Variants in GPC6 observed in about 807,000 individuals in gnomAD.
GPC6 encodes glypican 6.
A neutral mutation model predicts 55.2 loss-of-function variants in GPC6; 14 were observed. The observed-to-expected ratio is 0.25, with a 90% CI of 0.17 to 0.40. The LOEUF is 0.40. Ranked by LOEUF, GPC6 falls within the 10% of genes least tolerant of loss-of-function variation. The probability of loss-of-function intolerance (pLI) is 1.00; values close to 1 mark genes in which losing one functional copy is unlikely to be tolerated. For synonymous variants in GPC6, 278 were observed against 259.6 expected, an observed-to-expected ratio of 1.07 and a Z score of -0.68; for missense variants, 641 against 708.5, an observed-to-expected ratio of 0.90 and a Z score of 1.08.
At chr13:93,983,957 C>T (rs1322443404) in intron 3 of GPC6, among the ~76,000 whole-genome samples, 2 of 151,598 alleles carry the variant, frequency 1.3e-5, no homozygotes, top group South Asian at 2.1e-4. Context: ...CATAAGACAA[C>T]AATTAAAGAA....
chr13:93,391,576 A>G (rs909535606), intron 1 of GPC6, among the ~76,000 whole-genome samples: 1 of 152,208 alleles, frequency 6.6e-6, no homozygotes, highest in Non-Finnish European at 1.5e-5. Context: ...TACTAAGATA[A>G]ATACATAAGC....
At chr13:94,078,682 G>C (rs1049331353) in intron 4 of GPC6, among the ~76,000 whole-genome samples, 1 of 151,670 alleles carries the variant, frequency 6.6e-6, no homozygotes, top group African/African-American at 2.4e-5. Context: ...ACAACCTACC[G>C]ACACTGAAAC....
intron 1 of GPC6, among the ~76,000 whole-genome samples, chr13:93,307,928 A>G (rs1206610808): frequency 2.0e-5 from 3 of 152,200 alleles, no homozygotes; most frequent in African/African-American, 7.2e-5. Context: ...CACTGTAAAT[A>G]TATACAGATT....
At chr13:94,158,259 A>G (rs1566479878) in intron 4 of GPC6, among the ~76,000 whole-genome samples, 1 of 152,166 alleles carries the variant, frequency 6.6e-6, no homozygotes, top group Non-Finnish European at 1.5e-5. Context: ...TCAATGTTCA[A>G]AAAAATCTTA....
intron 3 of GPC6, among the ~76,000 whole-genome samples, chr13:93,847,094 A>G (rs772496140): frequency 6.6e-6 from 1 of 152,134 alleles, no homozygotes; most frequent in Non-Finnish European, 1.5e-5. Context: ...CATAAGTAAC[A>G]TAGACACTTT....
intron 1 of GPC6, among the ~76,000 whole-genome samples, chr13:93,322,434 T>C (rs1432505786): frequency 4.6e-4 from 36 of 77,990 alleles, no homozygotes; most frequent in Non-Finnish European, 7.0e-4. Flanking sequence ...CTTTCTTCTT[T>C]TTTTTTTTTT....
intron 1 of GPC6, among the ~76,000 whole-genome samples, chr13:93,326,901 G>A (rs965887835): frequency 6.6e-6 from 1 of 152,172 alleles, no homozygotes; most frequent in Non-Finnish European, 1.5e-5. Context: ...AATGTCATTT[G>A]TGGAATAAAT....
intron 2 of GPC6, among the ~76,000 whole-genome samples, chr13:93,817,632 G>A (rs966146476): frequency 2.0e-5 from 3 of 152,116 alleles, no homozygotes; most frequent in African/African-American, 7.2e-5. Flanking sequence ...ACCGAGGTAG[G>A]TAGATGGCTT....
chr13:93,617,395 G>A (rs779995843), intron 2 of GPC6, among the ~76,000 whole-genome samples: 2 of 152,010 alleles, frequency 1.3e-5, no homozygotes, highest in Non-Finnish European at 2.9e-5. Context: ...AAAGCTCTTA[G>A]TACAATGACT....
chr13:94,287,879 C>T (rs752395320), intron 5 of GPC6, among the ~76,000 whole-genome samples: 11 of 152,198 alleles, frequency 7.2e-5, no homozygotes, highest in Non-Finnish European at 1.5e-4. Flanking sequence ...GAGACTAGGA[C>T]AGGAGGAACA....
In GPC6 at chr13:94,017,427, A is replaced by G. The variant is rs115213449; in HGVS notation, c.712-10302A>G. ...AAAGAGAAGCAACGGTACATCTTAC[A>G]TGGTGGCAGGCAAGAGAGCTTGTTC... On this transcript the variant is annotated intron_variant, in intron 3 of 8. Transcript: ENST00000377047. Among the ~76,000 whole-genome samples, 696 of 152,290 alleles carry G rather than the reference A, an allele frequency of 4.6e-3. 7 individuals are homozygous for G. The highest frequency in any genetic ancestry group is 0.016 in the African/African-American group (675 of 41,570).
intron 1 of GPC6, among the ~76,000 whole-genome samples, chr13:93,492,556 A>G (rs1300028984): frequency 2.1e-5 from 3 of 142,828 alleles, no homozygotes; most frequent in Non-Finnish European, 3.1e-5. Context: ...TTCCAACACT[A>G]TGTTGAATAG....
At chr13:93,452,359 T>C (rs1878261901) in intron 1 of GPC6, among the ~76,000 whole-genome samples, 2 of 152,230 alleles carry the variant, frequency 1.3e-5, no homozygotes, top group Non-Finnish European at 2.9e-5. Flanking sequence ...TTTTAAAGTA[T>C]ATTAGAAATG....
chr13:93,693,459 A>ATATGTGTG (rs1566490166), intron 2 of GPC6, among the ~76,000 whole-genome samples: 1 of 88,302 alleles, frequency 1.1e-5, no homozygotes, highest in Admixed American at 1.3e-4. Context: ...GTGTATGTAT[A>ATATGTGTG]TCTGTGTGTG....
At chr13:94,165,233 C>CGT (rs1555303020) in intron 4 of GPC6, among the ~76,000 whole-genome samples, 5 of 145,900 alleles carry the variant, frequency 3.4e-5, no homozygotes, top group Admixed American at 6.9e-5. Flanking sequence ...GAATACTATT[C>CGT]ATATATATAT....
intron 4 of GPC6, among the ~76,000 whole-genome samples, chr13:94,150,076 C>G (rs988546507): frequency 1.3e-5 from 2 of 152,052 alleles, no homozygotes; most frequent in African/African-American, 4.8e-5. Flanking sequence ...TCCTCCCAAC[C>G]AAGCCCTTCT....
intron 4 of GPC6, among the ~76,000 whole-genome samples, chr13:94,069,750 C>T (rs1884659833): frequency 6.6e-6 from 1 of 152,202 alleles, no homozygotes; most frequent in Non-Finnish European, 1.5e-5. Context: ...ACAAAAGTCA[C>T]CTTTGCTCTA....
At chr13:93,245,083 T>G (rs1177728511) in intron 1 of GPC6, among the ~76,000 whole-genome samples, 4 of 152,156 alleles carry the variant, frequency 2.6e-5, no homozygotes, top group African/African-American at 9.7e-5. Context: ...ATGAACTGAT[T>G]AGGTATTAAC....
At chr13:93,271,769 AC>A (rs1877535496) in intron 1 of GPC6, among the ~76,000 whole-genome samples, 1 of 152,148 alleles carries the variant, frequency 6.6e-6, no homozygotes, top group Non-Finnish European at 1.5e-5. Context: ...AAATATCCCA[AC>A]CTTTTGAGTA....
Sources: gnomAD v4.1 joint callset for allele counts (sites outside exome capture counted in the v4.1 genomes callset) on GRCh38, gnomAD v4.1.1 for gene constraint, MANE v1.5 for transcripts, NCBI Gene and HGNC (gene_info 2026-07-23, HGNC 2026-07-21) for gene names.